Variants in LRP1B observed in about 807,000 individuals in gnomAD.
LRP1B encodes low-density lipoprotein receptor-related protein 1B.
Under a neutral mutation model 556.6 loss-of-function variants are expected in LRP1B, and 217 were observed. That is an observed-to-expected ratio of 0.39 (90% CI 0.35 to 0.44). LRP1B has a LOEUF of 0.44. LRP1B is among the 20% of genes least tolerant of loss of function. LRP1B has a pLI of 1.00. For missense variants in LRP1B, 5,053 were observed against 5,620.8 expected, an observed-to-expected ratio of 0.90 and a Z score of 3.23; for synonymous variants, 2,047 against 1,865.8, an observed-to-expected ratio of 1.10 and a Z score of -2.50.
intron 1 of LRP1B, among the ~76,000 whole-genome samples, chr2:142,125,230 G>GA (rs1465894453): frequency 4.6e-5 from 7 of 151,412 alleles, no homozygotes; most frequent in East Asian, 1.9e-4. Flanking sequence ...AAGACAAACA[G>GA]AAAAAAAACA....
chr2:140,454,363 C>T (rs1230808932), intron 62 of LRP1B, among the ~76,000 whole-genome samples: 2 of 151,884 alleles, frequency 1.3e-5, no homozygotes, highest in Admixed American at 6.6e-5. Flanking sequence ...GTTGGCCAGG[C>T]GGCTCTCCAA....
chr2:140,927,799 C>T (rs150525465), intron 20 of LRP1B, among the ~76,000 whole-genome samples: 465 of 151,292 alleles, frequency 3.1e-3, no homozygotes, highest in African/African-American at 0.011. Flanking sequence ...CTCTGCCTCC[C>T]GGGTTCAAGT....
At chr2:141,311,863 A>G (rs1686824834) in intron 3 of LRP1B, among the ~76,000 whole-genome samples, 1 of 152,176 alleles carries the variant, frequency 6.6e-6, no homozygotes, top group Admixed American at 6.5e-5. Context: ...TATGCAGGCA[A>G]TTGGTACTGA....
At chr2:140,651,354 G>A (rs1251298807) in intron 41 of LRP1B, among the ~76,000 whole-genome samples, 13 of 106,284 alleles carry the variant, frequency 1.2e-4, no homozygotes, top group African/African-American at 4.8e-4. Flanking sequence ...GACTGTTGTG[G>A]GGTGGGGGGA....
chr2:140,358,464 C>T (rs1433985469), intron 73 of LRP1B, among the ~76,000 whole-genome samples: 2 of 151,642 alleles, frequency 1.3e-5, no homozygotes, highest in African/African-American at 4.8e-5. Flanking sequence ...GCATTAAAAA[C>T]TTTTTGAACT....
Position 140,356,910 on chromosome 2 carries a change from T to C in LRP1B, c.11396-434A>G, listed in dbSNP as rs142793733. The stretch of plus-strand genomic sequence containing the variant: ...TAATATTTGTAAACTCAATCAAGGG[T>C]ACTGCTAAGTTACTCAAGCAAGTTG... On this transcript the variant is annotated intron_variant, in intron 74 of 90. Coordinates refer to ENST00000389484, the MANE Select transcript of LRP1B (RefSeq NM_018557.3). Among the ~76,000 whole-genome samples the C allele has an allele frequency of 2.9e-3, 439 of 151,932 alleles. 2 individuals are homozygous for C. Among genetic ancestry groups the C allele is most frequent in the African/African-American group, 0.01 (436 of 41,536 alleles).
At chr2:140,999,248 T>TA (rs1697341439) in intron 15 of LRP1B, among the ~76,000 whole-genome samples, 1 of 152,118 alleles carries the variant, frequency 6.6e-6, no homozygotes, top group Non-Finnish European at 1.5e-5. Context: ...TATTAGAAGA[T>TA]ATAGCAGAAT....
intron 3 of LRP1B, among the ~76,000 whole-genome samples, chr2:141,289,839 G>C (rs1412984582): frequency 6.6e-6 from 1 of 152,148 alleles, no homozygotes; most frequent in African/African-American, 2.4e-5. Flanking sequence ...GAATATTTGA[G>C]TTTTTGATTG....
rs372478635 is a variant in LRP1B at position 142,070,621 on chromosome 2, C to T, written c.82+60027G>A. On this transcript the variant is annotated intron_variant, in intron 1 of 90. Transcript: ENST00000389484. ...AGCCATTGCATTCAACTGTCTTTTA[C>T]AGCTCATGCACAGGTGCTCACATTA... is the stretch of plus-strand genomic sequence containing the variant. Among the ~76,000 whole-genome samples, 17 of 152,026 alleles carry T rather than the reference C, an allele frequency of 1.1e-4. No homozygotes were observed. In the East Asian group the frequency reaches 3.3e-3, roughly 30 times the overall value.
At chr2:141,287,110 G>A (rs1244141408) in intron 3 of LRP1B, among the ~76,000 whole-genome samples, 1 of 152,054 alleles carries the variant, frequency 6.6e-6, no homozygotes, top group African/African-American at 2.4e-5. Context: ...AACTTAGTTA[G>A]GAGTTTATTC....
intron 43 of LRP1B, among the ~76,000 whole-genome samples, chr2:140,597,565 A>G (rs1682493409): frequency 6.6e-6 from 1 of 152,188 alleles, no homozygotes; most frequent in Non-Finnish European, 1.5e-5. Flanking sequence ...GCCCTGAAAG[A>G]AAATTTGCAT....
rs746206037 is a variant in LRP1B at position 140,700,256 on chromosome 2, C to T, written c.6793G>A (p.Val2265Ile). The change falls in exon 41 of 91, where the codon GTT (valine) becomes ATT (isoleucine). Residue 2265 changes from valine (V) to isoleucine (I), a missense_variant. Coordinates refer to ENST00000389484, the MANE Select transcript of LRP1B (RefSeq NM_018557.3). ...KDNWEDRQVI[V>I]ENVGSVEGLA... ...ATTGAATTACTGTACTTACTTTCAACAATTACTTGTCTGTCTTCCCAGTTG... is the reference window on the plus strand; with the variant it reads ...ATTGAATTACTGTACTTACTTTCAATAATTACTTGTCTGTCTTCCCAGTTG... 2.5e-6 allele frequency: 4 copies of T among 1,609,160 alleles called. No individual in the cohort carries two copies. In the South Asian group the frequency reaches 4.4e-5, roughly 18 times the overall value.
chr2:140,296,088 G>A (rs751884386), intron 84 of LRP1B, among the ~76,000 whole-genome samples: 1 of 152,142 alleles, frequency 6.6e-6, no homozygotes, highest in African/African-American at 2.4e-5. Flanking sequence ...AGTACAGATT[G>A]AGCATCTCTA....
At position 140,501,682 on chromosome 2, in the gene LRP1B, C is replaced by A. The variant is rs1236794270; in HGVS notation, c.8850+5G>T. The A allele has an allele frequency of 6.2e-7, 1 of 1,600,924 alleles. No homozygotes were observed. Among genetic ancestry groups the A allele is most frequent in the Non-Finnish European group, 8.5e-7 (1 of 1,172,752 alleles). Reference sequence around the variant, plus strand: ...TATGATTTGCTACTTTTGATGAGTACCTACCTTATAACTGACCGGAAGGTC... The same window carrying A: ...TATGATTTGCTACTTTTGATGAGTAACTACCTTATAACTGACCGGAAGGTC... On this transcript the variant is annotated splice_donor_5th_base_variant and intron_variant, in intron 55 of 90. Coordinates refer to ENST00000389484, the MANE Select transcript of LRP1B (RefSeq NM_018557.3).
At chr2:141,489,960 T>C (rs1330090210) in intron 2 of LRP1B, among the ~76,000 whole-genome samples, 2 of 152,144 alleles carry the variant, frequency 1.3e-5, no homozygotes, top group Non-Finnish European at 2.9e-5. Context: ...GTAATGGTTT[T>C]TGTGTTTACA....
chr2:140,706,637 C>T (rs1347906444), intron 37 of LRP1B, among the ~76,000 whole-genome samples: 1 of 152,038 alleles, frequency 6.6e-6, no homozygotes, highest in African/African-American at 2.4e-5. Flanking sequence ...GAGCACATAT[C>T]ATGAGTTAAT....
intron 3 of LRP1B, among the ~76,000 whole-genome samples, chr2:141,412,080 C>A (rs1258401464): frequency 6.6e-6 from 1 of 152,124 alleles, no homozygotes; most frequent in African/African-American, 2.4e-5. Flanking sequence ...TCACCTACTG[C>A]TAATCAGCAA....
At position 140,907,859 on chromosome 2, in the gene LRP1B, C is replaced by A. The variant is rs1694301481; in HGVS notation, c.3520+18G>T. Reference sequence around the variant, plus strand: ...TGTAGTTTTCATGGAGAAGTCAGTACAATTAAACATGCAATACCACAGAGA... The same window carrying A: ...TGTAGTTTTCATGGAGAAGTCAGTAAAATTAAACATGCAATACCACAGAGA... On this transcript the variant is annotated intron_variant, in intron 22 of 90. Transcript: ENST00000389484. The A allele has an allele frequency of 1.2e-6, 2 of 1,610,338 alleles. No individual in the cohort carries two copies. Among genetic ancestry groups the A allele is most frequent in the African/African-American group, 2.7e-5 (2 of 74,768 alleles).
chr2:141,033,015 C>T (rs143848776), intron 11 of LRP1B, among the ~76,000 whole-genome samples: 70 of 151,970 alleles, frequency 4.6e-4, no homozygotes, highest in Non-Finnish European at 7.5e-4. Flanking sequence ...GGGGATGGGG[C>T]TGCTGGAGAG....
Sources: gnomAD v4.1 joint callset for allele counts (sites outside exome capture counted in the v4.1 genomes callset) on GRCh38, gnomAD v4.1.1 for gene constraint, MANE v1.5 for transcripts, NCBI Gene and HGNC (gene_info 2026-07-23, HGNC 2026-07-21) for gene names.